Variants in KCNT2 observed in about 807,000 individuals in gnomAD.
The protein encoded by KCNT2 is potassium sodium-activated channel subfamily T member 2.
Under a neutral mutation model 153.8 loss-of-function variants are expected in KCNT2, and 67 were observed. The observed-to-expected ratio is 0.44, with a 90% CI of 0.36 to 0.53. The LOEUF (loss-of-function observed/expected upper bound fraction) is 0.53. KCNT2 is among the 20% of genes least tolerant of loss of function. KCNT2 has a pLI of 0.00. For missense variants in KCNT2, 975 were observed against 1,354.8 expected (o/e 0.72, Z 4.40); for synonymous variants, 500 against 458.8 (o/e 1.09, Z -1.15).
chr1:196,312,785 C>T (rs1369301602), intron 21 of KCNT2, among the ~76,000 whole-genome samples: 5 of 151,634 alleles, frequency 3.3e-5, no homozygotes, highest in South Asian at 2.1e-4. Flanking sequence ...GATACTATTC[C>T]CGCATGCATA....
chr1:196,284,705 T>C (rs1659496261), intron 23 of KCNT2, among the ~76,000 whole-genome samples: 1 of 152,144 alleles, frequency 6.6e-6, no homozygotes, highest in African/African-American at 2.4e-5. Flanking sequence ...ACTTTAGGGA[T>C]AATAGGGGTA....
At chr1:196,294,871 A>C (rs1218002027) in intron 22 of KCNT2, among the ~76,000 whole-genome samples, 1 of 151,778 alleles carries the variant, frequency 6.6e-6, no homozygotes, top group Non-Finnish European at 1.5e-5. Context: ...TTCATAGTAG[A>C]GAGTACAATG....
intron 1 of KCNT2, among the ~76,000 whole-genome samples, chr1:196,503,534 A>C (rs538780139): frequency 1.3e-5 from 2 of 152,332 alleles, no homozygotes; most frequent in East Asian, 3.9e-4. Flanking sequence ...TCAAATGGGA[A>C]TATTTCACTA....
intron 13 of KCNT2, among the ~76,000 whole-genome samples, chr1:196,381,191 T>C (rs1330029699): frequency 6.6e-6 from 1 of 152,188 alleles, no homozygotes; most frequent in African/African-American, 2.4e-5. Flanking sequence ...TCTTTTTTGA[T>C]GTTTCAGGCT....
chr1:196,517,693 T>C (rs937799844), intron 1 of KCNT2, among the ~76,000 whole-genome samples: 1 of 151,900 alleles, frequency 6.6e-6, no homozygotes, highest in Non-Finnish European at 1.5e-5. Flanking sequence ...AGTGTCTCTC[T>C]GAAATAAGAC....
At chr1:196,375,625 AT>A (rs879539391) in intron 13 of KCNT2, among the ~76,000 whole-genome samples, 4 of 151,100 alleles carry the variant, frequency 2.6e-5, no homozygotes, top group Non-Finnish European at 5.9e-5. Context: ...TATTATTTCC[AT>A]TTTTTCTCTT....
intron 5 of KCNT2, among the ~76,000 whole-genome samples, chr1:196,477,282 C>T (rs1398860214): frequency 6.6e-6 from 1 of 152,006 alleles, no homozygotes; most frequent in African/African-American, 2.4e-5. Context: ...CTTCAAAACT[C>T]TTGTTTTAAA....
intron 1 of KCNT2, among the ~76,000 whole-genome samples, chr1:196,510,415 C>A (rs1482738770): frequency 2.0e-5 from 3 of 152,024 alleles, no homozygotes; most frequent in African/African-American, 7.2e-5. Flanking sequence ...GCCTGGAGCC[C>A]ACACAATTTA....
At chr1:196,589,123 A>G (rs1286144965) in intron 1 of KCNT2, among the ~76,000 whole-genome samples, 2 of 152,116 alleles carry the variant, frequency 1.3e-5, no homozygotes, top group East Asian at 1.9e-4. Context: ...ACTTAGAAAT[A>G]CATGTCACAA....
intron 8 of KCNT2, among the ~76,000 whole-genome samples, chr1:196,435,756 T>C (rs1023518331): frequency 6.6e-6 from 1 of 151,716 alleles, no homozygotes; most frequent in East Asian, 1.9e-4. Flanking sequence ...AAGAAACAAA[T>C]TACTCAATAT....
chr1:196,560,146 A>G (rs1243123708), intron 1 of KCNT2, among the ~76,000 whole-genome samples: 1 of 151,904 alleles, frequency 6.6e-6, no homozygotes, highest in Non-Finnish European at 1.5e-5. Flanking sequence ...ACTTGGCATA[A>G]AGCAATAGTG....
chr1:196,553,853 A>C (rs749608873), intron 1 of KCNT2, among the ~76,000 whole-genome samples: 1 of 151,300 alleles, frequency 6.6e-6, no homozygotes, highest in Non-Finnish European at 1.5e-5. Context: ...AAACACATAG[A>C]TATTAAGCAG....
At chr1:196,581,953 A>C (rs1194220418) in intron 1 of KCNT2, among the ~76,000 whole-genome samples, 1 of 152,120 alleles carries the variant, frequency 6.6e-6, no homozygotes, top group Non-Finnish European at 1.5e-5. Context: ...TGTCTTTCAT[A>C]AGAAAATTCT....
chr1:196,419,099 G>A (rs1481367075), intron 12 of KCNT2, among the ~76,000 whole-genome samples: 1 of 151,790 alleles, frequency 6.6e-6, no homozygotes, highest in Non-Finnish European at 1.5e-5. Context: ...CCAGAGAGTT[G>A]TGCATTCTTT....
chr1:196,437,985 AT>A (rs1674876904), intron 8 of KCNT2, among the ~76,000 whole-genome samples: 2 of 151,468 alleles, frequency 1.3e-5, no homozygotes, highest in Admixed American at 1.3e-4. Flanking sequence ...ATTAATAAAT[AT>A]TTTTTATTTG....
chr1:196,514,644 G>A (rs1164311073), intron 1 of KCNT2, among the ~76,000 whole-genome samples: 1 of 152,090 alleles, frequency 6.6e-6, no homozygotes, highest in Non-Finnish European at 1.5e-5. Flanking sequence ...ATATTTAAAT[G>A]TGTTGCATTT....
At chr1:196,536,242 A>C (rs1348946291) in intron 1 of KCNT2, among the ~76,000 whole-genome samples, 1 of 152,224 alleles carries the variant, frequency 6.6e-6, no homozygotes. Context: ...CATCTTTCCT[A>C]CCATATGTCT....
intron 21 of KCNT2, among the ~76,000 whole-genome samples, chr1:196,309,301 A>T (rs1231221573): frequency 6.6e-6 from 1 of 151,982 alleles, no homozygotes; most frequent in African/African-American, 2.4e-5. Flanking sequence ...CTCACTTTGA[A>T]TCAAGTTGTG....
chr1:196,500,006 T>C (rs1374981715), intron 1 of KCNT2, among the ~76,000 whole-genome samples: 1 of 151,808 alleles, frequency 6.6e-6, no homozygotes, highest in Admixed American at 6.6e-5. Flanking sequence ...TAGCTGGGTG[T>C]GCTGGTGCAT....
Sources: allele counts gnomAD v4.1 joint callset (sites outside exome capture counted in the v4.1 genomes callset), GRCh38; gene constraint gnomAD v4.1.1; transcripts MANE v1.5; gene names NCBI Gene and HGNC (gene_info 2026-07-23, HGNC 2026-07-21).